PPARGC1A: variants seen among roughly 807,000 people sequenced by gnomAD.
PPARGC1A encodes PPARG coactivator 1 alpha.
Under a neutral mutation model 88.7 loss-of-function variants are expected in PPARGC1A, and 25 were observed. The observed-to-expected ratio is 0.28, with a 90% confidence interval of 0.21 to 0.39. The LOEUF (loss-of-function observed/expected upper bound fraction) is 0.39. Among genes scored for constraint, PPARGC1A ranks in the 10% least tolerant of loss-of-function variants. The pLI, the probability that PPARGC1A is intolerant of heterozygous loss-of-function variation, is 1.00. For missense variants in PPARGC1A, 880 were observed against 968.7 expected (o/e 0.91, Z 1.22); for synonymous variants, 363 against 355.6 (o/e 1.02, Z -0.24).
chr4:24,358,845 T>C, the PPARGC1A span, among the ~76,000 whole-genome samples: 1 of 152,202 alleles, frequency 6.6e-6, no homozygotes, highest in African/African-American at 2.4e-5. Flanking sequence ...GAGCGTGGCA[T>C]GGCCTTTTCT....
At chr4:24,316,606 A>G in the PPARGC1A span, among the ~76,000 whole-genome samples, 1 of 152,218 alleles carries the variant, frequency 6.6e-6, no homozygotes, top group African/African-American at 2.4e-5. Flanking sequence ...AGTCCCACAG[A>G]AAGAATGGCA....
chr4:24,157,984 G>A, the PPARGC1A span, among the ~76,000 whole-genome samples: 1 of 151,976 alleles, frequency 6.6e-6, no homozygotes, highest in East Asian at 1.9e-4. Flanking sequence ...CCTTTTACAT[G>A]TAGAATAAAC....
the PPARGC1A span, among the ~76,000 whole-genome samples, chr4:24,396,556 C>A: frequency 6.6e-6 from 1 of 152,090 alleles, no homozygotes; most frequent in African/African-American, 2.4e-5. Flanking sequence ...GAAGCATCCT[C>A]TAATAGATAG....
the PPARGC1A span, among the ~76,000 whole-genome samples, chr4:24,214,557 AG>A: frequency 6.6e-6 from 1 of 152,214 alleles, no homozygotes; most frequent in South Asian, 2.1e-4. Context: ...AGAGGCAGAC[AG>A]TGGACTCCAA....
the PPARGC1A span, among the ~76,000 whole-genome samples, chr4:24,314,517 C>A: frequency 1.3e-5 from 2 of 152,132 alleles, no homozygotes; most frequent in African/African-American, 4.8e-5. Flanking sequence ...GACTTCCTAG[C>A]CTCCGGAGCA....
chr4:24,348,218 C>A, the PPARGC1A span, among the ~76,000 whole-genome samples: 1 of 152,236 alleles, frequency 6.6e-6, no homozygotes, highest in East Asian at 1.9e-4. Flanking sequence ...CCTGGTGCTT[C>A]TGTCTCACAG....
chr4:23,966,887 C>A, the PPARGC1A span, among the ~76,000 whole-genome samples: 1 of 152,090 alleles, frequency 6.6e-6, no homozygotes, highest in Non-Finnish European at 1.5e-5. Context: ...ATGGAGAGAG[C>A]CAGCTTCTCA....
At chr4:24,046,838 A>G in the PPARGC1A span, among the ~76,000 whole-genome samples, 2 of 152,102 alleles carry the variant, frequency 1.3e-5, no homozygotes, top group Admixed American at 6.6e-5. Flanking sequence ...GTCTGTCCCC[A>G]TATCTGCCAC....
chr4:23,947,623 A>G, the PPARGC1A span, among the ~76,000 whole-genome samples: 1 of 151,936 alleles, frequency 6.6e-6, no homozygotes, highest in Non-Finnish European at 1.5e-5. Context: ...ACAGAAAACC[A>G]ATAGCCACTA....
At chr4:24,387,842 G>GAGAGAGAA in the PPARGC1A span, among the ~76,000 whole-genome samples, 2 of 117,532 alleles carry the variant, frequency 1.7e-5, no homozygotes, top group Non-Finnish European at 3.6e-5. Context: ...GAGAGAAAGA[G>GAGAGAGAA]AGAGAGAAAG....
At chr4:24,137,530 A>G in the PPARGC1A span, among the ~76,000 whole-genome samples, 4 of 152,304 alleles carry the variant, frequency 2.6e-5, no homozygotes, top group African/African-American at 7.2e-5. Flanking sequence ...ACAGATGCAT[A>G]AAGAGAAACA....
upstream of PPARGC1A, among the ~76,000 whole-genome samples, chr4:23,892,856 T>TA (rs779756107): frequency 7.2e-5 from 11 of 152,124 alleles, no homozygotes; most frequent in Non-Finnish European, 1.3e-4. Context: ...TGACAACCCT[T>TA]AAAAATGGGG....
chr4:24,230,422 A>G, the PPARGC1A span, among the ~76,000 whole-genome samples: 1 of 152,076 alleles, frequency 6.6e-6, no homozygotes, highest in African/African-American at 2.4e-5. Context: ...TCTTATATGG[A>G]TGCTTCATTT....
chr4:24,101,311 C>T, the PPARGC1A span, among the ~76,000 whole-genome samples: 30 of 152,312 alleles, frequency 2.0e-4, no homozygotes, highest in South Asian at 2.3e-3. Flanking sequence ...CATGATTGTA[C>T]GTTTCCTGAG....
At chr4:24,444,028 CGTT>C in the PPARGC1A span, among the ~76,000 whole-genome samples, 4 of 152,072 alleles carry the variant, frequency 2.6e-5, no homozygotes, top group South Asian at 2.1e-4. Flanking sequence ...GTAATTTCGT[CGTT>C]GTTGTTGTTA....
the PPARGC1A span, among the ~76,000 whole-genome samples, chr4:24,312,245 C>G: frequency 6.6e-6 from 1 of 152,184 alleles, no homozygotes; most frequent in Non-Finnish European, 1.5e-5. Context: ...TGCAGTTTAC[C>G]TAAACTTCTC....
At chr4:23,818,017 C>T (rs181509338) in intron 7 of PPARGC1A, among the ~76,000 whole-genome samples, 7 of 152,274 alleles carry the variant, frequency 4.6e-5, no homozygotes, top group African/African-American at 1.4e-4. Context: ...ACTTTCCCCC[C>T]TGAAGTAAGA....
the PPARGC1A span, among the ~76,000 whole-genome samples, chr4:23,981,245 A>G: frequency 6.6e-6 from 1 of 152,102 alleles, no homozygotes; most frequent in African/African-American, 2.4e-5. Context: ...CCTACTGAAT[A>G]TATACTATAT....
chr4:24,453,600 T>A, the PPARGC1A span, among the ~76,000 whole-genome samples: 1 of 152,182 alleles, frequency 6.6e-6, no homozygotes, highest in African/African-American at 2.4e-5. Flanking sequence ...ACTAACGTGG[T>A]AAAACCCCAT....
Sources: gnomAD v4.1 joint callset for allele counts (sites outside exome capture counted in the v4.1 genomes callset) on GRCh38, gnomAD v4.1.1 for gene constraint, MANE v1.5 for transcripts, NCBI Gene and HGNC (gene_info 2026-07-23, HGNC 2026-07-21) for gene names.